The following PDE4B variants were observed in gnomAD, a reference collection of about 807,000 sequenced individuals.
PDE4B encodes the protein phosphodiesterase 4B.
PDE4B carries 20 observed loss-of-function variants against 82.2 expected under a neutral mutation model. That is an observed-to-expected ratio of 0.24 (90% CI 0.17 to 0.35). PDE4B has a LOEUF of 0.35. PDE4B is among the 10% of genes least tolerant of loss of function. The pLI is 1.00. For missense variants in PDE4B, 655 were observed against 907.2 expected, an observed-to-expected ratio of 0.72 and a Z score of 3.57; for synonymous variants, 320 against 318.9, an observed-to-expected ratio of 1.00 and a Z score of -0.04.
intron 7 of PDE4B, among the ~76,000 whole-genome samples, chr1:66,320,894 A>T (rs1346125407): frequency 6.6e-6 from 1 of 152,224 alleles, no homozygotes; most frequent in East Asian, 1.9e-4. Context: ...ATCCTAAAAG[A>T]TAAGGAAGAG....
intron 3 of PDE4B, among the ~76,000 whole-genome samples, chr1:66,019,446 C>A (rs1429631681): frequency 6.7e-6 from 1 of 149,402 alleles, no homozygotes; most frequent in Admixed American, 6.7e-5. Flanking sequence ...GCCTCTGCCT[C>A]CCAGGTTCAA....
intron 6 of PDE4B, among the ~76,000 whole-genome samples, chr1:66,259,200 A>G (rs1232676608): frequency 2.0e-5 from 3 of 152,184 alleles, no homozygotes; most frequent in Non-Finnish European, 2.9e-5. Context: ...TTTAGTACAT[A>G]CCATCCATTC....
chr1:66,028,024 C>A (rs1331131962), intron 3 of PDE4B, among the ~76,000 whole-genome samples: 4 of 152,198 alleles, frequency 2.6e-5, no homozygotes, highest in African/African-American at 9.6e-5. Flanking sequence ...AGACAGTGCC[C>A]CAGTAGGGAC....
intron 1 of PDE4B, among the ~76,000 whole-genome samples, chr1:65,907,842 G>A (rs1442201599): frequency 6.6e-6 from 1 of 152,110 alleles, no homozygotes; most frequent in Non-Finnish European, 1.5e-5. Context: ...AGATGAGTAG[G>A]ACTTTTCCTG....
intron 3 of PDE4B, among the ~76,000 whole-genome samples, chr1:65,922,304 G>A (rs1414344695): frequency 1.3e-5 from 2 of 152,020 alleles, no homozygotes; most frequent in Non-Finnish European, 2.9e-5. Flanking sequence ...TGTTCTTAAT[G>A]GTTATTTTGA....
chr1:65,962,916 G>C (rs1261132210), intron 3 of PDE4B, among the ~76,000 whole-genome samples: 2 of 152,086 alleles, frequency 1.3e-5, no homozygotes, highest in Non-Finnish European at 2.9e-5. Context: ...GGGAAAACTG[G>C]GTTGTATGTG....
intron 7 of PDE4B, among the ~76,000 whole-genome samples, chr1:66,301,924 C>G (rs369275118): frequency 1.4e-4 from 22 of 152,158 alleles, no homozygotes; most frequent in African/African-American, 5.1e-4. Flanking sequence ...AGAGAAAGCT[C>G]TTCCTAAATC....
In PDE4B at chr1:65,911,469, C is replaced by T. The variant is rs143517187; in HGVS notation, c.-70-1776C>T. On this transcript the variant is annotated intron_variant, in intron 1 of 16. Coordinates refer to ENST00000341517, the MANE Select transcript of PDE4B (RefSeq NM_002600.4). ...TGAGTATGTATAGTTTTATATCCTG[C>T]GTTTAAAACACATTTAAATCTTGCT... Among the ~76,000 whole-genome samples, 1,045 of 151,876 alleles carry T rather than the reference C, an allele frequency of 6.9e-3. 13 individuals carry two copies. The highest frequency in any genetic ancestry group is 0.023 in the African/African-American group (951 of 41,440).
intron 8 of PDE4B, among the ~76,000 whole-genome samples, chr1:66,334,391 G>A (rs1290180354): frequency 1.3e-5 from 2 of 152,312 alleles, no homozygotes; most frequent in East Asian, 3.9e-4. Flanking sequence ...GACATTGACT[G>A]TCTTGCAAAT....
chr1:66,025,254 G>A (rs1237970362), intron 3 of PDE4B, among the ~76,000 whole-genome samples: 1 of 152,014 alleles, frequency 6.6e-6, no homozygotes, highest in Non-Finnish European at 1.5e-5. Flanking sequence ...GTACTTCAAG[G>A]AAAGAAGTGA....
chr1:66,295,147 G>C (rs910549361), intron 7 of PDE4B, among the ~76,000 whole-genome samples: 4 of 152,144 alleles, frequency 2.6e-5, no homozygotes, highest in African/African-American at 9.7e-5. Context: ...AAGAACCTGG[G>C]ACAGGTTTGT....
At chr1:65,882,680 ATGTGTGTG>A (rs5774774) in intron 1 of PDE4B, among the ~76,000 whole-genome samples, 58 of 149,950 alleles carry the variant, frequency 3.9e-4, no homozygotes, top group African/African-American at 1.3e-3. Context: ...TTTGAAAAAT[ATGTGTGTG>A]TGTGTGTGTG....
At chr1:65,839,031 A>G (rs946117482) in intron 1 of PDE4B, among the ~76,000 whole-genome samples, 2 of 152,158 alleles carry the variant, frequency 1.3e-5, no homozygotes, top group African/African-American at 4.8e-5. Flanking sequence ...AATCAGTTGT[A>G]ACTTGTGGCT....
chr1:66,165,764 G>A lies in PDE4B; in HGVS notation c.282-81696G>A, dbSNP rs536660108. On this transcript the variant is annotated intron_variant, in intron 3 of 16. Transcript: ENST00000341517. The stretch of plus-strand genomic sequence containing the variant: ...GGAAGACCTAAATAAATAGAAGAAC[G>A]TCCTATGTTAGTGGATTGGAAGACT... Among the ~76,000 whole-genome samples the A allele has an allele frequency of 1.6e-3, 239 of 152,138 alleles. 1 individual carries two copies. Among genetic ancestry groups the A allele is most frequent in the South Asian group, 0.013 (64 of 4,818 alleles).
intron 2 of PDE4B, among the ~76,000 whole-genome samples, chr1:65,917,498 T>C (rs1439500758): frequency 1.3e-5 from 2 of 152,332 alleles, no homozygotes; most frequent in East Asian, 1.9e-4. Flanking sequence ...TCAGTGACCA[T>C]TGCAGGGCTA....
chr1:65,998,130 A>C (rs1195340669), intron 3 of PDE4B, among the ~76,000 whole-genome samples: 3 of 152,222 alleles, frequency 2.0e-5, no homozygotes, highest in African/African-American at 7.2e-5. Context: ...TCATTTAAGC[A>C]TATAAAACCC....
chr1:65,872,170 T>G (rs553073342), intron 1 of PDE4B, among the ~76,000 whole-genome samples: 17 of 152,180 alleles, frequency 1.1e-4, no homozygotes, highest in Non-Finnish European at 2.1e-4. Flanking sequence ...TATAGTCATA[T>G]TTCAGGAAAT....
intron 3 of PDE4B, among the ~76,000 whole-genome samples, chr1:66,105,679 G>A (rs942653586): frequency 2.6e-5 from 4 of 152,050 alleles, no homozygotes; most frequent in Non-Finnish European, 4.4e-5. Context: ...TGGATTCCTA[G>A]GTATTTTATT....
intron 1 of PDE4B, among the ~76,000 whole-genome samples, chr1:65,818,302 G>A (rs1358827825): frequency 6.6e-6 from 1 of 152,056 alleles, no homozygotes; most frequent in Non-Finnish European, 1.5e-5. Flanking sequence ...TTTCCTGTTT[G>A]CATTCTATTC....
Sources: allele counts gnomAD v4.1 joint callset (sites outside exome capture counted in the v4.1 genomes callset), GRCh38; gene constraint gnomAD v4.1.1; transcripts MANE v1.5; gene names NCBI Gene and HGNC (gene_info 2026-07-23, HGNC 2026-07-21).